Variants in MAF observed in about 807,000 individuals in gnomAD.
MAF encodes MAF bZIP transcription factor.
Under a neutral mutation model 22.0 loss-of-function variants are expected in MAF, and 10 were observed. That is an observed-to-expected ratio of 0.45 (90% confidence interval 0.28 to 0.77). The LOEUF is 0.77. Among genes scored for constraint, MAF ranks in the 30% least tolerant of loss-of-function variants. The pLI is 0.12. For synonymous variants in MAF, 337 were observed against 255.8 expected, an observed-to-expected ratio of 1.32 and a Z score of -3.03; for missense variants, 544 against 548.4, an observed-to-expected ratio of 0.99 and a Z score of 0.08.
chr16:79,502,712 T>C, the MAF span, among the ~76,000 whole-genome samples: 1,286 of 30,480 alleles, frequency 0.042, 53 homozygotes, highest in Non-Finnish European at 0.057. Context: ...AATATAAATA[T>C]ATATATATAT....
the MAF span, among the ~76,000 whole-genome samples, chr16:79,381,551 T>G: frequency 6.6e-6 from 1 of 152,156 alleles, no homozygotes; most frequent in Admixed American, 6.5e-5. Context: ...CTATGAAGAT[T>G]AGAGCCCTAG....
chr16:79,447,141 A>T, the MAF span, among the ~76,000 whole-genome samples: 1 of 152,140 alleles, frequency 6.6e-6, no homozygotes, highest in Admixed American at 6.5e-5. Context: ...GTTAGGGGTT[A>T]ATACAGCTGA....
chr16:79,265,835 A>T, the MAF span, among the ~76,000 whole-genome samples: 1 of 152,116 alleles, frequency 6.6e-6, no homozygotes, highest in African/African-American at 2.4e-5. Context: ...TGGGGCTACT[A>T]CCAAATGAAA....
At chr16:79,312,342 G>A in the MAF span, among the ~76,000 whole-genome samples, 2 of 152,140 alleles carry the variant, frequency 1.3e-5, no homozygotes, top group African/African-American at 4.8e-5. Flanking sequence ...GTCACTGCAA[G>A]CATTAAATAC....
the MAF span, among the ~76,000 whole-genome samples, chr16:79,226,532 A>T: frequency 2.0e-5 from 3 of 152,236 alleles, no homozygotes; most frequent in South Asian, 6.2e-4. Context: ...ATATAAAAAA[A>T]TTTAAAAACA....
chr16:79,454,629 A>G, the MAF span, among the ~76,000 whole-genome samples: 1 of 152,182 alleles, frequency 6.6e-6, no homozygotes, highest in Non-Finnish European at 1.5e-5. Context: ...TCAACAGTCA[A>G]GCTTGGGAAT....
the MAF span, among the ~76,000 whole-genome samples, chr16:79,346,720 G>C: frequency 3.3e-5 from 5 of 152,288 alleles, no homozygotes; most frequent in East Asian, 7.7e-4. Context: ...CATATTCATA[G>C]TTATACTGCA....
At chr16:79,524,663 G>C in the MAF span, among the ~76,000 whole-genome samples, 1 of 152,192 alleles carries the variant, frequency 6.6e-6, no homozygotes, top group Non-Finnish European at 1.5e-5. Context: ...TTCCTCGACA[G>C]CTACTTCTTT....
the MAF span, among the ~76,000 whole-genome samples, chr16:79,239,042 C>T: frequency 6.6e-6 from 1 of 152,144 alleles, no homozygotes; most frequent in South Asian, 2.1e-4. Flanking sequence ...CTCTCTAGAT[C>T]AGGTTCTCAT....
chr16:79,224,788 G>A, the MAF span, among the ~76,000 whole-genome samples: 8 of 152,094 alleles, frequency 5.3e-5, no homozygotes, highest in Non-Finnish European at 1.2e-4. Flanking sequence ...AAAATACCTA[G>A]GAACACAACT....
chr16:79,506,741 C>A, the MAF span, among the ~76,000 whole-genome samples: 100 of 152,220 alleles, frequency 6.6e-4, no homozygotes, highest in Middle Eastern at 0.01. Context: ...CAGGGTCTCA[C>A]TGGGTGATGA....
At chr16:79,338,309 A>G in the MAF span, among the ~76,000 whole-genome samples, 2 of 152,200 alleles carry the variant, frequency 1.3e-5, no homozygotes, top group South Asian at 4.1e-4. Flanking sequence ...AGATGACTTT[A>G]TATGCTAAGT....
At chr16:79,589,300 C>G (rs1454998071), downstream of MAF, among the ~76,000 whole-genome samples, 1 of 152,160 alleles carries the variant, frequency 6.6e-6, no homozygotes, top group Non-Finnish European at 1.5e-5. Context: ...GGACCCTCAT[C>G]CTGGCGCTGT....
At chr16:79,401,106 C>G in the MAF span, among the ~76,000 whole-genome samples, 1 of 152,214 alleles carries the variant, frequency 6.6e-6, no homozygotes, top group Non-Finnish European at 1.5e-5. Context: ...CTCACCATCT[C>G]CCAAGGCCCT....
the MAF span, among the ~76,000 whole-genome samples, chr16:79,315,035 C>A: frequency 3.9e-5 from 6 of 152,250 alleles, no homozygotes; most frequent in Admixed American, 3.9e-4. Context: ...GTGCTACATG[C>A]TGGCTGGACC....
At chr16:79,379,067 T>C in the MAF span, among the ~76,000 whole-genome samples, 1 of 152,250 alleles carries the variant, frequency 6.6e-6, no homozygotes, top group East Asian at 1.9e-4. Flanking sequence ...ATCAGCTTTT[T>C]AAAGATCAAG....
At chr16:79,474,952 C>G in the MAF span, among the ~76,000 whole-genome samples, 2 of 152,224 alleles carry the variant, frequency 1.3e-5, no homozygotes, top group African/African-American at 4.8e-5. Flanking sequence ...ATTAATCCAA[C>G]AGAGATCAAA....
At chr16:79,433,674 G>C in the MAF span, among the ~76,000 whole-genome samples, 2 of 152,242 alleles carry the variant, frequency 1.3e-5, no homozygotes, top group East Asian at 3.9e-4. Context: ...ACTTGTTACT[G>C]TTCTCAACTG....
the MAF span, among the ~76,000 whole-genome samples, chr16:79,274,514 C>G: frequency 6.6e-6 from 1 of 152,122 alleles, no homozygotes; most frequent in East Asian, 1.9e-4. Context: ...ACTGACAGCA[C>G]ATGGACTTTC....
Sources: allele counts gnomAD v4.1 joint callset (sites outside exome capture counted in the v4.1 genomes callset), GRCh38; gene constraint gnomAD v4.1.1; transcripts MANE v1.5; gene names NCBI Gene and HGNC (gene_info 2026-07-23, HGNC 2026-07-21).